Variants in USP8 observed in about 807,000 individuals in gnomAD.
The protein encoded by USP8 is ubiquitin carboxyl-terminal hydrolase 8.
USP8 carries 27 observed loss-of-function variants against 130.0 expected under a neutral mutation model. The observed-to-expected ratio is 0.21, with a 90% CI of 0.15 to 0.29. The LOEUF is 0.29. USP8 is among the 10% of genes least tolerant of loss of function. USP8 has a pLI of 1.00. For synonymous variants in USP8, 392 were observed against 444.1 expected, an observed-to-expected ratio of 0.88 and a Z score of 1.48; for missense variants, 1,029 against 1,312.2, an observed-to-expected ratio of 0.78 and a Z score of 3.33.
chr15:50,484,471 G>T, intron 12 of USP8, 110 bp downstream of exon 12: 1 of 836,890 alleles, frequency 1.2e-6, no homozygotes, highest in East Asian at 3.0e-5. Context: ...TACAGTGTAA[G>T]GGGATCGTTG....
At chr15:50,455,772 T>C (rs1362376341) in intron 4 of USP8, among the ~76,000 whole-genome samples, 2 of 152,186 alleles carry the variant, frequency 1.3e-5, no homozygotes, top group Non-Finnish European at 2.9e-5. Flanking sequence ...TGACATTCTT[T>C]TCAATTCTTC....
chr15:50,471,804 G>A lies in USP8; in HGVS notation c.849+9G>A. ...AAGATGCACTTTTCAAGGTTTGCAAGTTTCATTGTTAGTTTATTGTAATTG... is the reference window on the plus strand; with the variant it reads ...AAGATGCACTTTTCAAGGTTTGCAAATTTCATTGTTAGTTTATTGTAATTG... On this transcript the variant is annotated intron_variant, in intron 8 of 19. Transcript: ENST00000307179. 6.2e-7 allele frequency: 1 copy of A among 1,611,068 alleles called. No homozygotes were observed. Among genetic ancestry groups the A allele is most frequent in the Non-Finnish European group, 8.5e-7 (1 of 1,178,628 alleles).
Position 50,498,929 on chromosome 15 carries a change from C to T in USP8, c.3198C>T (p.Gly1066=). Residue 1066 remains glycine, a synonymous_variant, in exon 20 of 20, where the codon GGC becomes GGT. Coordinates refer to ENST00000307179, the MANE Select transcript of USP8 (RefSeq NM_005154.5). ...ATCACTACGGTGGGCTGGATGGAGG[C>T]CACTACACAGCCTATTGTAAAAATG... The part of the protein sequence containing the change: ...VSNHYGGLDG[G]HYTAYCKNAA... The T allele has an allele frequency of 1.2e-6, 2 of 1,612,820 alleles. No individual in the cohort carries two copies. The highest frequency in any genetic ancestry group is 2.2e-5 in the South Asian group (2 of 90,864).
At position 50,505,345 on chromosome 15, in the gene USP8, G is replaced by A. The variant is rs1314547361; in HGVS notation, c.*6257G>A. The A allele has an allele frequency of 3.3e-5, 5 of 152,246 alleles. No individual in the cohort carries two copies. The South Asian group carries it at 8.3e-4, about 25-fold the overall frequency. The allele number at this position is 152,246 out of a possible 1,614,324, so 9.4% of individuals were successfully genotyped here. On this transcript the variant is annotated 3_prime_UTR_variant, in exon 20 of 20. Coordinates refer to ENST00000307179, the MANE Select transcript of USP8 (RefSeq NM_005154.5). ...CTGCTGGTAGAAGTTCTCCATAGCA[G>A]CCATAGAAATCAGAGACAATACAGT...
At chr15:50,479,244 AT>A (rs2051680406) in intron 10 of USP8, among the ~76,000 whole-genome samples, 1 of 152,210 alleles carries the variant, frequency 6.6e-6, no homozygotes, top group Admixed American at 6.5e-5. Context: ...GGACGTCTTC[AT>A]GGAGGAGACA....
intron 7 of USP8, among the ~76,000 whole-genome samples, chr15:50,466,321 G>T (rs147842720): frequency 6.6e-6 from 1 of 152,092 alleles, no homozygotes; most frequent in Non-Finnish European, 1.5e-5. Flanking sequence ...CTCTTAGGCC[G>T]GGCACACTGG....
intron 4 of USP8, among the ~76,000 whole-genome samples, chr15:50,457,040 G>A (rs1292425257): frequency 1.3e-5 from 2 of 152,228 alleles, no homozygotes; most frequent in Non-Finnish European, 2.9e-5. Context: ...TTCTTGCTAA[G>A]TGCATGAATG....
intron 1 of USP8, among the ~76,000 whole-genome samples, chr15:50,429,701 C>T (rs907935035): frequency 1.3e-5 from 2 of 151,906 alleles, no homozygotes; most frequent in South Asian, 4.1e-4. Context: ...AAATAAATAC[C>T]TGTGTGTATG....
chr15:50,427,853 C>T (rs1276345890), intron 1 of USP8, among the ~76,000 whole-genome samples: 1 of 151,262 alleles, frequency 6.6e-6, no homozygotes, highest in Non-Finnish European at 1.5e-5. Flanking sequence ...GCCACCATAC[C>T]TGGCCCTTTT....
intron 1 of USP8, among the ~76,000 whole-genome samples, chr15:50,434,263 C>T (rs1379645333): frequency 6.6e-5 from 10 of 151,540 alleles, no homozygotes; most frequent in South Asian, 2.1e-4. Context: ...CCACCACGTC[C>T]GGCTAATTTT....
chr15:50,471,875 T>A (rs2141292479), intron 8 of USP8, 80 bp downstream of exon 8: 1 of 1,432,734 alleles, frequency 7.0e-7, no homozygotes, highest in Non-Finnish European at 9.6e-7. Context: ...TAGTTGTTTA[T>A]CTTAAATACT....
At chr15:50,482,091 A>G in intron 11 of USP8, 26 bp downstream of exon 11, 3 of 1,456,414 alleles carry the variant, frequency 2.1e-6, no homozygotes, top group Non-Finnish European at 2.7e-6. Flanking sequence ...ACAAATTGCC[A>G]ACGAAGTGAA....
In USP8 at chr15:50,499,115, CTT is replaced by C. The variant is rs2052523991; in HGVS notation, c.*30_*31del. On this transcript the variant is annotated 3_prime_UTR_variant, in exon 20 of 20. Transcript: ENST00000307179. ...GAGACATAGGTTATAAACTAGTTAT[CTT>C]TTAAAAGGCTCAGCAACACAACTCT... 1 of 1,550,140 alleles carries C rather than the reference CTT, an allele frequency of 6.5e-7. No individual in the cohort carries two copies. The highest frequency in any genetic ancestry group is 1.4e-5 in the African/African-American group (1 of 72,610).
rs907219427 is a variant in USP8 at position 50,513,341 on chromosome 15, T to C, written c.*14253T>C. 5 of 152,038 alleles carry C rather than the reference T, an allele frequency of 3.3e-5. No homozygotes were observed. Among genetic ancestry groups the C allele is most frequent in the African/African-American group, 9.7e-5 (4 of 41,418 alleles). 9.4% of individuals were successfully genotyped at this position (152,038 alleles called of 1,614,324 possible). A position where few individuals can be genotyped will look rare whatever the true frequency, so the allele number is the denominator to read the frequency against. On this transcript the variant is annotated 3_prime_UTR_variant, in exon 20 of 20. Transcript: ENST00000307179. The stretch of plus-strand genomic sequence containing the variant: ...GATAATTTATGATATATTCACACAA[T>C]ATACATCATAGGCTAGTGAAATTAT...
intron 4 of USP8, among the ~76,000 whole-genome samples, chr15:50,454,825 G>A (rs976828593): frequency 2.6e-5 from 4 of 152,112 alleles, no homozygotes; most frequent in African/African-American, 4.8e-5. Flanking sequence ...CTGTTGCCCA[G>A]GCCGAAGTGC....
chr15:50,460,298 CTTCT>C (rs2050945661), intron 5 of USP8, among the ~76,000 whole-genome samples: 1 of 124,540 alleles, frequency 8.0e-6, no homozygotes, highest in South Asian at 2.7e-4. Flanking sequence ...ACACCTGGCT[CTTCT>C]TTTTTTTTTT....
chr15:50,467,591 C>T (rs1458569947), intron 7 of USP8, among the ~76,000 whole-genome samples: 9 of 152,116 alleles, frequency 5.9e-5, no homozygotes, highest in Non-Finnish European at 1.2e-4. Context: ...GGGTCTCACT[C>T]TGTGCCTGGG....
In USP8 at chr15:50,459,042, C is replaced by G. The variant is rs1006177945; in HGVS notation, c.378C>G (p.Asp126Glu). 18 of 1,613,370 alleles carry G rather than the reference C, an allele frequency of 1.1e-5. No homozygotes were observed. Among genetic ancestry groups the G allele is most frequent in the Non-Finnish European group, 1.3e-5 (15 of 1,179,948 alleles). The change falls in exon 5 of 20, where the codon GAC becomes GAG. Residue 126 changes from aspartate (D) to glutamate (E), a missense_variant. By Grantham distance (45) the Asp-to-Glu change is conservative. Around this residue, in one of 4 missense-constraint regions of USP8, gnomAD observed 281 missense variants for 336.7 expected, o/e 0.83. Coordinates refer to ENST00000307179, the MANE Select transcript of USP8 (RefSeq NM_005154.5). ...AEVRKKLEEKDRQEEAQRLQQ... is the reference protein window; with the variant it reads ...AEVRKKLEEKERQEEAQRLQQ... ...TCCGGAAAAAACTTGAGGAAAAAGA[C>G]AGGCAGGAGGAAGCACAGCGGCTAC... is the stretch of plus-strand genomic sequence containing the variant.
At chr15:50,450,462 C>CTTTTTTTTTTTTTTTTTTTTT (rs35800074) in intron 4 of USP8, among the ~76,000 whole-genome samples, 6 of 80,456 alleles carry the variant, frequency 7.5e-5, no homozygotes, top group South Asian at 4.9e-4. Context: ...GTTAGTCATT[C>CTTTTTTTTTTTTTTTTTTTTT]TTTTTTTTTT....
Sources: allele counts gnomAD v4.1 joint callset (sites outside exome capture counted in the v4.1 genomes callset), GRCh38; gene constraint gnomAD v4.1.1; regional missense constraint gnomAD v4.1.1; transcripts MANE v1.5; gene names NCBI Gene and HGNC (gene_info 2026-07-23, HGNC 2026-07-21).